The following CRB1 variants were observed in gnomAD, a reference collection of about 807,000 sequenced individuals.
CRB1 encodes protein crumbs homolog 1.
In CRB1, 83 loss-of-function variants were observed where a neutral mutation model predicts 120.0. That is an observed-to-expected ratio of 0.69 (90% CI 0.58 to 0.83). The LOEUF (loss-of-function observed/expected upper bound fraction) is 0.83, where lower values mean the gene tolerates loss of function less well. Among genes scored for constraint, CRB1 ranks in the 40% least tolerant of loss-of-function variants. The probability of loss-of-function intolerance (pLI) is 0.00; values close to 1 mark genes in which losing one functional copy is unlikely to be tolerated. For synonymous variants in CRB1, 625 were observed against 612.5 expected (o/e 1.02, Z -0.30); for missense variants, 1,699 against 1,687.6 (o/e 1.01, Z -0.12).
At chr1:197,248,028 C>G in the CRB1 span, among the ~76,000 whole-genome samples, 1 of 151,844 alleles carries the variant, frequency 6.6e-6, no homozygotes, top group Non-Finnish European at 1.5e-5. Context: ...TATTGTGAAA[C>G]TAAAATGATT....
intron 2 of CRB1, 136 bp from the exon 3 acceptor site, chr1:197,344,145 C>T (rs1659629792): frequency 7.9e-6 from 7 of 889,862 alleles, no homozygotes; most frequent in Non-Finnish European, 1.3e-5. Flanking sequence ...ATATCAATTA[C>T]AATTAAGGGG....
Position 197,472,864 on chromosome 1 carries a change from G to A in CRB1, c.4006-4800G>A, listed in dbSNP as rs1022551143. ...CAAACAGGATCAAGAAAATCAATCAGGGGAAGGTCACTTGGGGTAATAAAC... is the reference window on the plus strand; with the variant it reads ...CAAACAGGATCAAGAAAATCAATCAAGGGAAGGTCACTTGGGGTAATAAAC... On this transcript the variant is annotated intron_variant, in intron 11 of 11. Transcript: ENST00000367400. Among the ~76,000 whole-genome samples the A allele has an allele frequency of 2.6e-5, 4 of 152,114 alleles. No individual in the cohort carries two copies. In the East Asian group the frequency reaches 7.7e-4, roughly 29 times the overall value.
chr1:197,355,709 C>A (rs528201183), intron 4 of CRB1, among the ~76,000 whole-genome samples: 1 of 152,330 alleles, frequency 6.6e-6, no homozygotes, highest in Admixed American at 6.5e-5. Context: ...GGCAAGCCCA[C>A]GCCCACCCAG....
intron 1 of CRB1, among the ~76,000 whole-genome samples, chr1:197,289,905 A>T (rs1477836273): frequency 6.6e-6 from 1 of 151,520 alleles, no homozygotes; most frequent in Non-Finnish European, 1.5e-5. Context: ...TATCTTCTCT[A>T]AAGTTATATA....
intron 5 of CRB1, among the ~76,000 whole-genome samples, chr1:197,397,227 G>A (rs984525217): frequency 4.6e-5 from 7 of 152,122 alleles, no homozygotes; most frequent in South Asian, 4.2e-4. Context: ...ATATCACTAT[G>A]CAACTATTAA....
chr1:197,291,012 C>A (rs1656144993), intron 1 of CRB1, among the ~76,000 whole-genome samples: 1 of 151,710 alleles, frequency 6.6e-6, no homozygotes, highest in South Asian at 2.1e-4. Flanking sequence ...ATACTGTGGA[C>A]ATTAATCTTC....
At chr1:197,246,371 A>AT in the CRB1 span, among the ~76,000 whole-genome samples, 1 of 151,676 alleles carries the variant, frequency 6.6e-6, no homozygotes, top group East Asian at 1.9e-4. Context: ...ATTTATTTCT[A>AT]TTTTTTGTCT....
At chr1:197,408,419 T>C (rs1347718315) in intron 5 of CRB1, among the ~76,000 whole-genome samples, 1 of 152,180 alleles carries the variant, frequency 6.6e-6, no homozygotes, top group Non-Finnish European at 1.5e-5. Context: ...ATTTATGCAG[T>C]AAGCAATGGG....
chr1:197,319,847 G>T (rs756637875), intron 1 of CRB1, among the ~76,000 whole-genome samples: 4 of 152,068 alleles, frequency 2.6e-5, no homozygotes, highest in Non-Finnish European at 5.9e-5. Context: ...ATTTTTAGCC[G>T]CAAGTGGTTT....
At chr1:197,313,575 A>G (rs538154695) in intron 1 of CRB1, among the ~76,000 whole-genome samples, 4 of 152,262 alleles carry the variant, frequency 2.6e-5, no homozygotes, top group African/African-American at 9.6e-5. Flanking sequence ...GCGTTTTTGT[A>G]CCCATTGACC....
chr1:197,285,828 AAG>A (rs1287117196), intron 1 of CRB1, among the ~76,000 whole-genome samples: 2 of 151,960 alleles, frequency 1.3e-5, no homozygotes, highest in Non-Finnish European at 2.9e-5. Flanking sequence ...TAAATAATGA[AAG>A]AGAATCAACT....
chr1:197,321,106 G>C (rs1258922927), intron 1 of CRB1, among the ~76,000 whole-genome samples: 1 of 152,154 alleles, frequency 6.6e-6, no homozygotes, highest in Non-Finnish European at 1.5e-5. Context: ...TAGCCTTCTG[G>C]GGTGGAGTTT....
At chr1:197,352,874 A>C (rs897705267) in intron 4 of CRB1, among the ~76,000 whole-genome samples, 11 of 152,308 alleles carry the variant, frequency 7.2e-5, no homozygotes, top group South Asian at 2.1e-4. Context: ...CAAACACATT[A>C]CAATCTCATT....
chr1:197,264,376 A>G (rs535113253), upstream of CRB1, among the ~76,000 whole-genome samples: 6 of 152,202 alleles, frequency 3.9e-5, no homozygotes, highest in Admixed American at 1.3e-4. Context: ...TCATCCATTG[A>G]TGGACATTTA....
intron 1 of CRB1, among the ~76,000 whole-genome samples, chr1:197,276,730 A>C (rs7542212): frequency 6.6e-6 from 1 of 151,690 alleles, no homozygotes; most frequent in African/African-American, 2.4e-5. Flanking sequence ...TAAGTTGTCC[A>C]ACATAACTGA....
chr1:197,422,944 G>C (rs1190647794), intron 6 of CRB1: 1 of 151,988 alleles, frequency 6.6e-6, no homozygotes. Context: ...CTACTCAAGG[G>C]TTTCCCCCGA....
rs558345435 is a variant in CRB1, at chr1:197,292,211, C to T, written c.70+23729C>T. 5.2e-3 allele frequency among the ~76,000 whole-genome samples: 789 copies of T among 151,872 alleles called. 2 individuals are homozygous for T. The highest frequency in any genetic ancestry group is 8.7e-3 in the Non-Finnish European group (591 of 67,904). ...AGAAAAGAGAGAAAAATCAAATGGACGCAATAAAAAATGATAAAGGGGATA... is the reference window on the plus strand; with the variant it reads ...AGAAAAGAGAGAAAAATCAAATGGATGCAATAAAAAATGATAAAGGGGATA... On this transcript the variant is annotated intron_variant, in intron 1 of 11. Coordinates refer to ENST00000367400, the MANE Select transcript of CRB1 (RefSeq NM_201253.3).
chr1:197,467,545 T>C (rs912311933), intron 11 of CRB1, among the ~76,000 whole-genome samples: 1 of 152,194 alleles, frequency 6.6e-6, no homozygotes, highest in Admixed American at 6.5e-5. Context: ...ATACAATCAA[T>C]TGCATTTAAT....
chr1:197,286,341 T>C (rs897012311), intron 1 of CRB1, among the ~76,000 whole-genome samples: 3 of 151,880 alleles, frequency 2.0e-5, no homozygotes, highest in African/African-American at 4.8e-5. Context: ...GTACCTGTTA[T>C]CTATACTTTA....
Sources: allele counts gnomAD v4.1 joint callset (sites outside exome capture counted in the v4.1 genomes callset), GRCh38; gene constraint gnomAD v4.1.1; transcripts MANE v1.5; gene names NCBI Gene and HGNC (gene_info 2026-07-23, HGNC 2026-07-21).